The following CFAP61 variants were observed in gnomAD, a reference collection of about 807,000 sequenced individuals.
CFAP61 encodes cilia- and flagella-associated protein 61.
In CFAP61, 107 loss-of-function variants were observed where a neutral mutation model predicts 135.6. The ratio of observed to expected loss-of-function variants is 0.79; its 90% CI spans 0.67 to 0.93. The LOEUF is 0.93. Ranked by LOEUF, CFAP61 falls within the 40% of genes least tolerant of loss-of-function variation. CFAP61 has a pLI of 0.00. For missense variants in CFAP61, 1,507 were observed against 1,556.2 expected (o/e 0.97, Z 0.53); for synonymous variants, 575 against 578.5 (o/e 0.99, Z 0.09).
rs148078481 is a variant in CFAP61, at chr20:20,212,770, G to A, written c.1932+12868G>A. On this transcript the variant is annotated intron_variant, in intron 17 of 26. Transcript: ENST00000245957. ...GCAAGCACAGGGCCTGTTCTGCTTC[G>A]CTGGTTAGGAGGCTTGGTGGTGGAG... 1.1e-4 allele frequency among the ~76,000 whole-genome samples: 16 copies of A among 152,310 alleles called. No homozygotes were observed. The East Asian group carries it at 1.3e-3, about 13-fold the overall frequency.
intron 8 of CFAP61, among the ~76,000 whole-genome samples, chr20:20,117,365 A>AAAATAAATAAATAAATAAATAAAT (rs61453815): frequency 6.7e-4 from 102 of 151,450 alleles, no homozygotes; most frequent in African/African-American, 1.8e-3. Context: ...TAATAAGTTA[A>AAAATAAATAAATAAATAAATAAAT]AAATAAATAA....
At chr20:20,271,142 A>T (rs1329235470) in intron 21 of CFAP61, among the ~76,000 whole-genome samples, 2 of 152,052 alleles carry the variant, frequency 1.3e-5, no homozygotes, top group Non-Finnish European at 2.9e-5. Flanking sequence ...AGTTTTTTTT[A>T]AAAACTAGCC....
chr20:20,220,082 A>G (rs1342106063), intron 17 of CFAP61: 1 of 152,430 alleles, frequency 6.6e-6, no homozygotes, highest in Non-Finnish European at 1.5e-5. Flanking sequence ...AGGAGAACCA[A>G]CCATGTCATT....
At chr20:20,077,860 C>A (rs945491125) in intron 6 of CFAP61, among the ~76,000 whole-genome samples, 2 of 152,304 alleles carry the variant, frequency 1.3e-5, no homozygotes, top group African/African-American at 2.4e-5. Context: ...CTCCAGGTAG[C>A]AGGCTTCAGA....
In CFAP61 at chr20:20,074,326, C is replaced by T; in HGVS notation, c.319C>T (p.Leu107Phe). Residue 107 changes from leucine (L) to phenylalanine (F), a missense_variant, in exon 4 of 27, where the codon CTC becomes TTC. Coordinates refer to ENST00000245957, the MANE Select transcript of CFAP61 (RefSeq NM_015585.4). ...GCCCCTGAATACGTTGTTCATGCACCTCTTTGTGGCCGTGGATGAGTATTC... is the reference window on the plus strand; with the variant it reads ...GCCCCTGAATACGTTGTTCATGCACTTCTTTGTGGCCGTGGATGAGTATTC... Reference protein sequence around the residue: ...CTPLNTLFMHLFVAVDEYSVG... With the variant: ...CTPLNTLFMHFFVAVDEYSVG... 5.6e-6 allele frequency: 9 copies of T among 1,614,164 alleles called. No individual in the cohort carries two copies. The highest frequency in any genetic ancestry group is 7.6e-6 in the Non-Finnish European group (9 of 1,180,010).
intron 10 of CFAP61, among the ~76,000 whole-genome samples, chr20:20,163,226 G>A (rs949502772): frequency 2.0e-5 from 3 of 152,076 alleles, no homozygotes; most frequent in African/African-American, 7.2e-5. Context: ...ACTCCATGAG[G>A]GATCTCAAAG....
At chr20:20,106,567 T>C (rs1030397885) in intron 8 of CFAP61, among the ~76,000 whole-genome samples, 6 of 152,144 alleles carry the variant, frequency 3.9e-5, no homozygotes, top group African/African-American at 1.4e-4. Context: ...GGCCTGGAGG[T>C]CTTCAGAAGA....
At chr20:20,255,120 A>G (rs1021906047) in intron 20 of CFAP61, among the ~76,000 whole-genome samples, 1 of 152,180 alleles carries the variant, frequency 6.6e-6, no homozygotes, top group Non-Finnish European at 1.5e-5. Context: ...CCATTTTCGA[A>G]GATGAAGATT....
intron 26 of CFAP61, among the ~76,000 whole-genome samples, chr20:20,347,198 G>A (rs2058665009): frequency 6.6e-6 from 1 of 152,296 alleles, no homozygotes; most frequent in African/African-American, 2.4e-5. Context: ...AATGCTAATA[G>A]ATGAATGAAA....
Position 20,288,827 on chromosome 20 carries a change from G to C in CFAP61, c.3015G>C (p.Gln1005His), listed in dbSNP as rs767998588. The change falls in exon 23 of 27, where the codon CAG (glutamine) becomes CAC (histidine). Residue 1005 changes from glutamine to histidine, a missense_variant. Transcript: ENST00000245957. ...SNFSSKEIGF[Q>H]LAAAMLHLFD... ...TCAGTTCCAAAGAAATTGGCTTTCA[G>C]CTGGCAGCAGCTATGCTACATCTCT... The C allele has an allele frequency of 5.0e-6, 8 of 1,614,028 alleles. No individual in the cohort carries two copies. In the East Asian group the frequency reaches 1.8e-4, roughly 36 times the overall value.
At chr20:20,084,058 G>A (rs79855817) in intron 6 of CFAP61, among the ~76,000 whole-genome samples, 7,113 of 152,160 alleles carry the variant, frequency 0.047, 550 homozygotes, top group African/African-American at 0.16. Flanking sequence ...TACCTGAAGT[G>A]AAAGAAAAAT....
At chr20:20,074,693 T>A (rs1818402740) in intron 4 of CFAP61, among the ~76,000 whole-genome samples, 1 of 152,186 alleles carries the variant, frequency 6.6e-6, no homozygotes, top group Non-Finnish European at 1.5e-5. Flanking sequence ...ACTGCTTTTC[T>A]TTATCTTATC....
intron 18 of CFAP61, among the ~76,000 whole-genome samples, chr20:20,230,550 G>GGTTTGT (rs2049052499): frequency 6.6e-6 from 1 of 151,880 alleles, no homozygotes; most frequent in Non-Finnish European, 1.5e-5. Context: ...AGTCTTTTTT[G>GGTTTGT]GTTTGTTTTT....
rs554913396 is a variant in CFAP61 at position 20,204,458 on chromosome 20, C to T, written c.1932+4556C>T. Among the ~76,000 whole-genome samples the T allele has an allele frequency of 8.5e-5, 13 of 152,270 alleles. No individual in the cohort carries two copies. The South Asian group carries it at 2.5e-3, about 29-fold the overall frequency. On this transcript the variant is annotated intron_variant, in intron 17 of 26. Coordinates refer to ENST00000245957, the MANE Select transcript of CFAP61 (RefSeq NM_015585.4). ...ATGTCACTCACTGGCATTCAGTTAC[C>T]CTTTGAATTGCCCCTTTTCATCTGG...
intron 26 of CFAP61, among the ~76,000 whole-genome samples, chr20:20,351,504 C>A (rs1019457441): frequency 2.6e-5 from 4 of 151,876 alleles, no homozygotes; most frequent in Non-Finnish European, 4.4e-5. Flanking sequence ...ATCTCTTGAA[C>A]CCAGGAGGCG....
chr20:20,327,226 T>G (rs2057784053), intron 25 of CFAP61, among the ~76,000 whole-genome samples: 1 of 152,188 alleles, frequency 6.6e-6, no homozygotes, highest in Non-Finnish European at 1.5e-5. Flanking sequence ...TCCTCTCCAA[T>G]ACTTCTACTT....
At chr20:20,218,341 C>G (rs1054917812) in intron 17 of CFAP61, among the ~76,000 whole-genome samples, 1 of 152,196 alleles carries the variant, frequency 6.6e-6, no homozygotes. Context: ...TGTCTTGCCA[C>G]CACCATGTAA....
Position 20,078,853 on chromosome 20 carries a change from CA to C in CFAP61, c.566+3239del, listed in dbSNP as rs527311015. On this transcript the variant is annotated intron_variant, in intron 6 of 26. Transcript: ENST00000245957. ...ATAGGATGAATAAAACTGATACTTC[CA>C]GCCAAACTGACCAAGAAAAAAGACA... is the stretch of plus-strand genomic sequence containing the variant. Among the ~76,000 whole-genome samples the C allele has an allele frequency of 4.6e-5, 7 of 152,184 alleles. No homozygotes were observed. The East Asian group carries it at 9.6e-4, about 21-fold the overall frequency.
At chr20:20,117,190 C>G (rs1218519053) in intron 8 of CFAP61, among the ~76,000 whole-genome samples, 1 of 151,810 alleles carries the variant, frequency 6.6e-6, no homozygotes, top group Non-Finnish European at 1.5e-5. Flanking sequence ...ACTAAAAATA[C>G]AAAATTAGCC....
Sources: gnomAD v4.1 joint callset for allele counts (sites outside exome capture counted in the v4.1 genomes callset) on GRCh38, gnomAD v4.1.1 for gene constraint, MANE v1.5 for transcripts, NCBI Gene and HGNC (gene_info 2026-07-23, HGNC 2026-07-21) for gene names.